INSC: variants seen among roughly 807,000 people sequenced by gnomAD.
INSC encodes INSC spindle orientation adaptor protein, also known as protein inscuteable homolog.
Under a neutral mutation model 58.6 loss-of-function variants are expected in INSC, and 67 were observed. The ratio of observed to expected loss-of-function variants is 1.14; its 90% confidence interval spans 0.94 to 1.40. INSC has a LOEUF of 1.40. Among genes scored for constraint, INSC ranks in the 40% most tolerant of loss-of-function variants. The probability of loss-of-function intolerance (pLI) is 0.00; values close to 1 mark genes in which losing one functional copy is unlikely to be tolerated. For synonymous variants in INSC, 262 were observed against 276.1 expected (o/e 0.95, Z 0.51); for missense variants, 714 against 692.0 (o/e 1.03, Z -0.36).
intron 1 of INSC, among the ~76,000 whole-genome samples, chr11:15,138,561 C>T (rs963355918): frequency 6.6e-6 from 1 of 152,110 alleles, no homozygotes; most frequent in Non-Finnish European, 1.5e-5. Flanking sequence ...TTGCTTCTTT[C>T]CAACATATTT....
In INSC at chr11:15,230,026, A is replaced by T. The variant is rs1301554494; in HGVS notation, c.1170+4198A>T. On this transcript the variant is annotated intron_variant, in intron 9 of 12. Coordinates refer to ENST00000379556, the MANE Select transcript of INSC (RefSeq NM_001042536.3). ...ATATATATATATAATATATATATAT[A>T]TATATATATATATAAAAGCCAGGCA... Among the ~76,000 whole-genome samples the T allele has an allele frequency of 1.6e-3, 107 of 68,936 alleles. 7 individuals are homozygous for T. Among genetic ancestry groups the T allele is most frequent in the Non-Finnish European group, 2.5e-3 (92 of 37,210 alleles). The allele number at this position is 68,936 out of a possible 152,430, so 45.2% of individuals were successfully genotyped here. A position where few individuals can be genotyped will look rare whatever the true frequency, so the allele number is the denominator to read the frequency against.
At chr11:15,217,347 G>C (rs1272139545) in intron 7 of INSC, among the ~76,000 whole-genome samples, 2 of 152,200 alleles carry the variant, frequency 1.3e-5, no homozygotes, top group Non-Finnish European at 2.9e-5. Context: ...ATGACATGGG[G>C]ATTATGGGAA....
At chr11:15,252,694 G>A in the INSC span, among the ~76,000 whole-genome samples, 1,177 of 152,304 alleles carry the variant, frequency 7.7e-3, 13 homozygotes, top group South Asian at 0.013. Context: ...TTAGTTAGAA[G>A]CATGTAACTG....
At chr11:15,229,971 TATATATATTATATA>T (rs1851813330) in intron 9 of INSC, among the ~76,000 whole-genome samples, 7 of 11,578 alleles carry the variant, frequency 6.0e-4, no homozygotes, top group Non-Finnish European at 1.1e-3. Context: ...TATATATATA[TATATATATTATATA>T]TATATATATA....
downstream of INSC, among the ~76,000 whole-genome samples, chr11:15,251,582 G>A (rs1054338308): frequency 3.3e-5 from 5 of 152,090 alleles, no homozygotes; most frequent in African/African-American, 4.8e-5. Flanking sequence ...GTTAATAGCT[G>A]GACAAAGGAT....
upstream of INSC, among the ~76,000 whole-genome samples, chr11:15,113,134 T>TTTCC (rs1792572491): frequency 7.6e-6 from 1 of 130,910 alleles, no homozygotes; most frequent in Non-Finnish European, 1.7e-5. Flanking sequence ...TCTTTCTTTC[T>TTTCC]TTCTTTCTTT....
At chr11:15,158,418 G>T (rs1234267725) in intron 2 of INSC, among the ~76,000 whole-genome samples, 1 of 151,832 alleles carries the variant, frequency 6.6e-6, no homozygotes, top group Non-Finnish European at 1.5e-5. Flanking sequence ...TATGCCTCTG[G>T]GCCTTTGTAC....
intron 7 of INSC, among the ~76,000 whole-genome samples, chr11:15,217,731 C>A (rs1490265757): frequency 6.6e-6 from 1 of 152,036 alleles, no homozygotes; most frequent in Non-Finnish European, 1.5e-5. Context: ...AGAGGAGATC[C>A]AACTTGCAAA....
intron 9 of INSC, among the ~76,000 whole-genome samples, chr11:15,234,341 T>C (rs1042468935): frequency 2.6e-5 from 4 of 152,264 alleles, no homozygotes; most frequent in Non-Finnish European, 4.4e-5. Context: ...ATAGATATTC[T>C]ATTAATATGG....
At chr11:15,247,749 A>ATG (rs1198084263), downstream of INSC, among the ~76,000 whole-genome samples, 51 of 149,264 alleles carry the variant, frequency 3.4e-4, no homozygotes, top group African/African-American at 1.2e-3. Context: ...ATATATATAT[A>ATG]TATATATTTC....
chr11:15,192,619 T>C (rs1343560818), intron 6 of INSC, among the ~76,000 whole-genome samples: 2 of 152,166 alleles, frequency 1.3e-5, no homozygotes, highest in African/African-American at 4.8e-5. Context: ...AATTCACAGA[T>C]CCAAAATCTC....
chr11:15,259,954 T>C, the INSC span, among the ~76,000 whole-genome samples: 1 of 152,232 alleles, frequency 6.6e-6, no homozygotes, highest in African/African-American at 2.4e-5. Flanking sequence ...GAACCACCTC[T>C]CTGTACTCTG....
chr11:15,163,703 C>T (rs1849095779), intron 2 of INSC, among the ~76,000 whole-genome samples: 1 of 152,178 alleles, frequency 6.6e-6, no homozygotes, highest in African/African-American at 2.4e-5. Flanking sequence ...AAGCGATTCC[C>T]CTGCCTCAGC....
chr11:15,128,902 C>T (rs576347495), intron 1 of INSC, among the ~76,000 whole-genome samples: 1 of 152,178 alleles, frequency 6.6e-6, no homozygotes, highest in African/African-American at 2.4e-5. Flanking sequence ...TCTTAGTTAA[C>T]CTTCCCTTCT....
At chr11:15,158,871 T>A (rs1052739114) in intron 2 of INSC, among the ~76,000 whole-genome samples, 8 of 148,310 alleles carry the variant, frequency 5.4e-5, no homozygotes, top group African/African-American at 1.8e-4. Flanking sequence ...TTTTTTTTTT[T>A]TTTTTTTTTT....
chr11:15,262,870 C>G, the INSC span, among the ~76,000 whole-genome samples: 67 of 151,490 alleles, frequency 4.4e-4, no homozygotes, highest in South Asian at 1.5e-3. Context: ...CTCTGAGAAA[C>G]AGAGGAAAAA....
chr11:15,186,765 CA>C (rs1564891758), intron 5 of INSC, among the ~76,000 whole-genome samples: 1 of 152,116 alleles, frequency 6.6e-6, no homozygotes, highest in Non-Finnish European at 1.5e-5. Context: ...ACTGCATCCC[CA>C]CTTCCAAAAA....
intron 7 of INSC, among the ~76,000 whole-genome samples, chr11:15,201,487 T>G (rs1318083705): frequency 1.3e-5 from 2 of 151,572 alleles, no homozygotes; most frequent in East Asian, 3.9e-4. Context: ...TAGGGTAGGG[T>G]TAGAGGAGGA....
intron 1 of INSC, among the ~76,000 whole-genome samples, chr11:15,138,616 T>C (rs1219190685): frequency 6.6e-6 from 1 of 152,252 alleles, no homozygotes; most frequent in East Asian, 1.9e-4. Flanking sequence ...AGCAGCTCTT[T>C]GGATCTGAAG....
Sources: allele counts gnomAD v4.1 joint callset (sites outside exome capture counted in the v4.1 genomes callset), GRCh38; gene constraint gnomAD v4.1.1; transcripts MANE v1.5; gene names NCBI Gene and HGNC (gene_info 2026-07-23, HGNC 2026-07-21).